The following TTC31 variants were observed in gnomAD, a reference collection of about 807,000 sequenced individuals.
TTC31 encodes tetratricopeptide repeat protein 31.
In TTC31, 59 loss-of-function variants were observed where a neutral mutation model predicts 60.4. The observed-to-expected ratio is 0.98, with a 90% confidence interval of 0.79 to 1.21. The LOEUF (loss-of-function observed/expected upper bound fraction) is 1.21, where lower values mean the gene tolerates loss of function less well. TTC31 is among the 50% of genes most tolerant of loss of function. The pLI, the probability that TTC31 is intolerant of heterozygous loss-of-function variation, is 0.00. For synonymous variants in TTC31, 225 were observed against 249.6 expected (o/e 0.90, Z 0.93); for missense variants, 672 against 646.9 (o/e 1.04, Z -0.42).
chr2:74,493,758 C>G lies in TTC31; in HGVS notation c.*540C>G, dbSNP rs1404098379. ...CCAGATTGCTATGTATGACTCTGAC[C>G]TCTCTTGTCCAGTGGTCTGGTGCTC... On this transcript the variant is annotated 3_prime_UTR_variant, in exon 13 of 13. Coordinates refer to ENST00000233623, the MANE Select transcript of TTC31 (RefSeq NM_022492.6). 1.3e-5 allele frequency: 2 copies of G among 153,570 alleles called. No individual in the cohort carries two copies. The highest frequency in any genetic ancestry group is 2.9e-5 in the Non-Finnish European group (2 of 68,980). 9.5% of individuals were successfully genotyped at this position (153,570 alleles called of 1,614,324 possible).
At position 74,491,594 on chromosome 2, in the gene TTC31, T is replaced by A; in HGVS notation, c.798T>A (p.Gly266=). The change falls in exon 8 of 13, where the codon GGT becomes GGA. Residue 266 remains glycine, a synonymous_variant. Transcript: ENST00000233623. The part of the protein sequence containing the change: ...KGLNQEPQGR[G]LALQKMGQEE... ...TGAACCAGGAGCCCCAAGGCAGGGG[T>A]CTGGCCCTCCAGAAGATGGGTCAAG... The A allele has an allele frequency of 6.2e-7, 1 of 1,613,828 alleles. No homozygotes were observed. Among genetic ancestry groups the A allele is most frequent in the South Asian group, 1.1e-5 (1 of 91,056 alleles).
At chr2:74,484,172 G>T (rs771589781) in intron 2 of TTC31, among the ~76,000 whole-genome samples, 51 of 151,864 alleles carry the variant, frequency 3.4e-4, no homozygotes, top group South Asian at 8.3e-4. Context: ...GGGAGGCAGA[G>T]GTTGCAGTGA....
rs752113320 is a variant in TTC31 at position 74,491,123 on chromosome 2, TG to T, written c.547-4del. 6.4e-5 allele frequency: 104 copies of T among 1,614,096 alleles called. No homozygotes were observed. The highest frequency in any genetic ancestry group is 8.6e-5 in the Non-Finnish European group (102 of 1,180,044). On this transcript the variant is annotated splice_polypyrimidine_tract_variant and splice_region_variant and intron_variant, in intron 5 of 12. Coordinates refer to ENST00000233623, the MANE Select transcript of TTC31 (RefSeq NM_022492.6). ...AATACATCATTGTTACCATTACTAT[TG>T]CAGCGTCAAAAGGAACGGAAGCGAC... is the stretch of plus-strand genomic sequence containing the variant.
At chr2:74,484,878 T>C (rs1321074739) in intron 2 of TTC31, among the ~76,000 whole-genome samples, 1 of 152,200 alleles carries the variant, frequency 6.6e-6, no homozygotes, top group Non-Finnish European at 1.5e-5. Context: ...AATTAATTTA[T>C]CATGTTTGTA....
In TTC31 at chr2:74,492,226, A is replaced by G; in HGVS notation, c.1016A>G (p.His339Arg). The G allele has an allele frequency of 6.2e-7, 1 of 1,614,182 alleles. No individual in the cohort carries two copies. The highest frequency in any genetic ancestry group is 1.1e-5 in the South Asian group (1 of 91,082). ...GCCTTGAAGCTCAACCCCCAGGACC[A>G]CCGGTAGGTGGGGGCTTGGCCAGGG... ...TQALKLNPQD[H>R]RLFGNRSFCH... is the part of the protein sequence containing the mutation. The change falls in exon 10 of 13, where the codon CAC becomes CGC. Residue 339 changes from histidine to arginine, a missense_variant. By Grantham distance (29) the His-to-Arg change is conservative. Transcript: ENST00000233623.
chr2:74,486,777 C>G (rs1309402186), intron 2 of TTC31, among the ~76,000 whole-genome samples: 2 of 152,074 alleles, frequency 1.3e-5, no homozygotes, highest in Non-Finnish European at 2.9e-5. Flanking sequence ...CCTGTAATCC[C>G]AGCTACTCTG....
rs771974104 is a variant in TTC31 at position 74,483,404 on chromosome 2, C to A, written c.123C>A (p.Gly41=). 3.1e-6 allele frequency: 5 copies of A among 1,614,162 alleles called. No individual in the cohort carries two copies. The highest frequency in any genetic ancestry group is 4.2e-6 in the Non-Finnish European group (5 of 1,180,026). ...LCKEFGPEDY[G]EEDIVDFLRR... Reference sequence around the variant, plus strand: ...AGGAATTCGGTCCAGAGGATTACGGCGAAGAGGTAAAAGCGACCCTCAGTT... The same window carrying A: ...AGGAATTCGGTCCAGAGGATTACGGAGAAGAGGTAAAAGCGACCCTCAGTT... The change falls in exon 2 of 13, where the codon GGC becomes GGA. Residue 41 remains glycine, a synonymous_variant. Transcript: ENST00000233623.
Position 74,490,008 on chromosome 2 carries a change from C to CACCCCA in TTC31, c.130-17_130-16insACCCCA. Reference sequence around the variant, plus strand: ...GCCCCCAACACCAGCCTCCCCTCCCCTCCCCTCCCCTCCCAGGACATAGTG... The same window carrying CACCCCA: ...GCCCCCAACACCAGCCTCCCCTCCCCACCCCATCCCCTCCCCTCCCAGGACATAGTG... On this transcript the variant is annotated splice_polypyrimidine_tract_variant and intron_variant, in intron 2 of 12. Coordinates refer to ENST00000233623, the MANE Select transcript of TTC31 (RefSeq NM_022492.6). The CACCCCA allele has an allele frequency of 6.8e-7, 1 of 1,474,222 alleles. No individual in the cohort carries two copies. Among genetic ancestry groups the CACCCCA allele is most frequent in the Non-Finnish European group, 9.3e-7 (1 of 1,076,704 alleles). The allele number at this position is 1,474,222 out of a possible 1,614,324, so 91.3% of individuals were successfully genotyped here.
rs1351868996 is a variant in TTC31, at chr2:74,494,505, C to G, written c.*1287C>G. ...TGGAAAGCGAAAGTGTGAGAAAATA[C>G]CTCCCAAGTGCCTGGTACATAGTGG... On this transcript the variant is annotated 3_prime_UTR_variant, in exon 13 of 13. Coordinates refer to ENST00000233623, the MANE Select transcript of TTC31 (RefSeq NM_022492.6). 1.3e-5 allele frequency: 2 copies of G among 152,194 alleles called. No individual in the cohort carries two copies. Among genetic ancestry groups the G allele is most frequent in the African/African-American group, 2.4e-5 (1 of 41,426 alleles). 9.4% of individuals were successfully genotyped at this position (152,194 alleles called of 1,614,324 possible).
At chr2:74,488,550 C>T (rs1262281883) in intron 2 of TTC31, among the ~76,000 whole-genome samples, 1 of 152,228 alleles carries the variant, frequency 6.6e-6, no homozygotes, top group African/African-American at 2.4e-5. Context: ...CTTAAAGAGT[C>T]TTGCCTTATT....
At chr2:74,492,569 AG>A (rs1353839961) in intron 11 of TTC31, 76 bp from the exon 12 acceptor site, 1 of 1,578,442 alleles carries the variant, frequency 6.3e-7, no homozygotes, top group East Asian at 2.2e-5. Context: ...TACTAGGAGC[AG>A]GGGCCAGTTT....
chr2:74,491,694 A>T (rs779097658), intron 8 of TTC31, 22 bp downstream of exon 8: 125 of 1,611,796 alleles, frequency 7.8e-5, no homozygotes, highest in Non-Finnish European at 9.7e-5. Context: ...GAAGAACCTT[A>T]TTCAGCTGGA....
In TTC31 at chr2:74,491,090, G is replaced by A. The variant is rs1435997817; in HGVS notation, c.547-38G>A. The A allele has an allele frequency of 1.9e-6, 3 of 1,613,198 alleles. No homozygotes were observed. The Admixed American group carries it at 5.0e-5, about 27-fold the overall frequency. On this transcript the variant is annotated intron_variant, in intron 5 of 12. Transcript: ENST00000233623. ...TAGCCCAGCACACGACATACAGTAA[G>A]TGTTCAAAATACATCATTGTTACCA...
At chr2:74,487,205 G>A (rs1038455280) in intron 2 of TTC31, among the ~76,000 whole-genome samples, 3 of 152,186 alleles carry the variant, frequency 2.0e-5, no homozygotes, top group Non-Finnish European at 2.9e-5. Flanking sequence ...GGTAGTAGAA[G>A]GTCAAGGAAG....
rs777014982 is a variant in TTC31, at chr2:74,492,471, G to A, written c.1161+26G>A. The A allele has an allele frequency of 6.6e-6, 10 of 1,523,976 alleles. 1 individual carries two copies. In the South Asian group the frequency reaches 1.2e-4, roughly 18 times the overall value. The allele number at this position is 1,523,976 out of a possible 1,614,324, so 94.4% of individuals were successfully genotyped here. On this transcript the variant is annotated intron_variant, in intron 11 of 12. Coordinates refer to ENST00000233623, the MANE Select transcript of TTC31 (RefSeq NM_022492.6). ...GTAATAGGTCTGGGGCTGGAAACAG[G>A]AGAGATTTGAGTGGGATGGAGTGGG...
At chr2:74,484,010 C>T (rs941022729) in intron 2 of TTC31, among the ~76,000 whole-genome samples, 6 of 142,750 alleles carry the variant, frequency 4.2e-5, no homozygotes, top group Non-Finnish European at 7.6e-5. Flanking sequence ...CCTAGGGGGG[C>T]GGATCACTTG....
rs2104050331 is a variant in TTC31 at position 74,483,424 on chromosome 2, T to C, written c.129+14T>C. 6.2e-7 allele frequency: 1 copy of C among 1,614,118 alleles called. No individual in the cohort carries two copies. Reference sequence around the variant, plus strand: ...TACGGCGAAGAGGTAAAAGCGACCCTCAGTTTCCCCCAGTCCTGCTCATTT... The same window carrying C: ...TACGGCGAAGAGGTAAAAGCGACCCCCAGTTTCCCCCAGTCCTGCTCATTT... On this transcript the variant is annotated intron_variant, in intron 2 of 12. Transcript: ENST00000233623.
Position 74,493,237 on chromosome 2 carries a change from T to TA in TTC31, c.*20dup, listed in dbSNP as rs1558587810. On this transcript the variant is annotated 3_prime_UTR_variant, in exon 13 of 13. Coordinates refer to ENST00000233623, the MANE Select transcript of TTC31 (RefSeq NM_022492.6). ...CAGATGAGGGGGCACCGGTCCCTCA[T>TA]AGGGCAGGGCCATGTATATATCCCT... is the stretch of plus-strand genomic sequence containing the variant. The TA allele has an allele frequency of 6.2e-7, 1 of 1,613,170 alleles. No homozygotes were observed.
At chr2:74,490,962 T>A in intron 5 of TTC31, 166 bp from the exon 6 acceptor site, 1 of 967,634 alleles carries the variant, frequency 1.0e-6, no homozygotes, top group Non-Finnish European at 1.6e-6. Context: ...CCTCCTTACA[T>A]GAGGCCTCTT....
Sources: gnomAD v4.1 joint callset for allele counts (sites outside exome capture counted in the v4.1 genomes callset) on GRCh38, gnomAD v4.1.1 for gene constraint, MANE v1.5 for transcripts, NCBI Gene and HGNC (gene_info 2026-07-23, HGNC 2026-07-21) for gene names.